The following PRR14L variants were observed in gnomAD, a reference collection of about 807,000 sequenced individuals.
PRR14L encodes the protein proline rich 14 like.
In PRR14L, 80 loss-of-function variants were observed where a neutral mutation model predicts 155.0. The ratio of observed to expected loss-of-function variants is 0.52; its 90% CI spans 0.43 to 0.62. The LOEUF is 0.62. Among genes scored for constraint, PRR14L ranks in the 20% least tolerant of loss-of-function variants. The probability of loss-of-function intolerance (pLI) is 0.00; values close to 1 mark genes in which losing one functional copy is unlikely to be tolerated. For missense variants in PRR14L, 2,469 were observed against 2,548.0 expected, an observed-to-expected ratio of 0.97 and a Z score of 0.67; for synonymous variants, 883 against 916.0, an observed-to-expected ratio of 0.96 and a Z score of 0.65.
At chr22:31,733,298 G>GT (rs1162819822) in intron 2 of PRR14L, among the ~76,000 whole-genome samples, 3,607 of 63,726 alleles carry the variant, frequency 0.057, 261 homozygotes, top group Non-Finnish European at 0.076. Context: ...CCTGGCCACT[G>GT]TTTTTTTTTT....
rs1437314682 is a variant in PRR14L at position 31,716,226 on chromosome 22, G to C, written c.1613C>G (p.Thr538Ser). 1.3e-6 allele frequency: 2 copies of C among 1,551,308 alleles called. No individual in the cohort carries two copies. The highest frequency in any genetic ancestry group is 2.7e-5 in the African/African-American group (2 of 73,030). Residue 538 changes from threonine to serine, a missense_variant, in exon 4 of 9, where the codon ACT becomes AGT. Around this residue, in one of 2 missense-constraint regions of PRR14L, gnomAD observed 2,363 missense variants for 2,371.6 expected, o/e 1.00. Transcript: ENST00000327423. Reference sequence around the variant, plus strand: ...GCTGACTAAGGAGTTACAGTCTTTAGTGTAAAAAGATTTACTTAATATATT... The same window carrying C: ...GCTGACTAAGGAGTTACAGTCTTTACTGTAAAAAGATTTACTTAATATATT... ...EPNILSKSFY[T>S]KDCNSLVSIQ...
intron 3 of PRR14L, among the ~76,000 whole-genome samples, chr22:31,720,569 C>A (rs1413189408): frequency 6.6e-6 from 1 of 152,044 alleles, no homozygotes; most frequent in Non-Finnish European, 1.5e-5. Flanking sequence ...CTTATCTCTA[C>A]TAAAAATACA....
intron 2 of PRR14L, 84 bp downstream of exon 2, chr22:31,738,303 G>C: frequency 8.9e-7 from 1 of 1,129,234 alleles, no homozygotes; most frequent in South Asian, 1.6e-5. Context: ...AATAAATCAT[G>C]AGCCAACCGT....
intron 2 of PRR14L, among the ~76,000 whole-genome samples, chr22:31,735,566 G>A (rs2074775450): frequency 6.6e-6 from 1 of 150,412 alleles, no homozygotes; most frequent in South Asian, 2.1e-4. Context: ...TATACTTTAT[G>A]TGTATTACGC....
intron 2 of PRR14L, among the ~76,000 whole-genome samples, chr22:31,726,794 AAAG>A (rs1316449609): frequency 6.6e-6 from 1 of 152,052 alleles, no homozygotes; most frequent in African/African-American, 2.4e-5. Flanking sequence ...CAAGTGGCTG[AAAG>A]AATACATGGA....
At chr22:31,746,557 A>G (rs549011932) in intron 1 of PRR14L, among the ~76,000 whole-genome samples, 7 of 152,224 alleles carry the variant, frequency 4.6e-5, no homozygotes, top group Non-Finnish European at 1.0e-4. Flanking sequence ...TATAAGCAAA[A>G]AATAAACCAT....
At chr22:31,745,865 T>A (rs1455182338) in intron 1 of PRR14L, among the ~76,000 whole-genome samples, 1 of 145,964 alleles carries the variant, frequency 6.9e-6, no homozygotes, top group Non-Finnish European at 1.5e-5. Context: ...AAAAAAAATA[T>A]ATATATATAT....
intron 4 of PRR14L, among the ~76,000 whole-genome samples, chr22:31,708,306 A>C (rs1381519926): frequency 6.6e-6 from 1 of 151,928 alleles, no homozygotes; most frequent in Non-Finnish European, 1.5e-5. Context: ...GAACTACACA[A>C]TACAAACCAG....
intron 1 of PRR14L, among the ~76,000 whole-genome samples, chr22:31,745,994 G>C (rs1485930852): frequency 6.6e-6 from 1 of 151,464 alleles, no homozygotes; most frequent in Non-Finnish European, 1.5e-5. Context: ...GCAGTGGCTT[G>C]ATCACAGCTC....
chr22:31,743,241 G>A (rs963943863), intron 1 of PRR14L, among the ~76,000 whole-genome samples: 2 of 152,084 alleles, frequency 1.3e-5, no homozygotes, highest in Non-Finnish European at 2.9e-5. Context: ...GGCAGAGGGT[G>A]CAGTGAGCCG....
intron 2 of PRR14L, among the ~76,000 whole-genome samples, chr22:31,735,167 C>T (rs1372932525): frequency 2.0e-5 from 3 of 152,080 alleles, no homozygotes; most frequent in South Asian, 2.1e-4. Context: ...TGGCGGGGCG[C>T]GGTGGCTTGC....
intron 7 of PRR14L, among the ~76,000 whole-genome samples, chr22:31,690,369 C>T (rs2074504964): frequency 1.3e-5 from 2 of 149,910 alleles, no homozygotes; most frequent in Non-Finnish European, 3.0e-5. Flanking sequence ...TTTTTTCGTA[C>T]AGGTGGGGTT....
rs373090316 is a variant in PRR14L, at chr22:31,713,268, C to G, written c.4571G>C (p.Arg1524Pro). The change falls in exon 4 of 9, where the codon CGA (arginine) becomes CCA (proline). Residue 1524 changes from arginine to proline, a missense_variant. Physicochemically the swap from Arg to Pro is moderately radical, Grantham distance 103 (BLOSUM62 -2). Coordinates refer to ENST00000327423, the MANE Select transcript of PRR14L (RefSeq NM_173566.3). ...CTGATAGGAAACTTTCTTACAAGTT[C>G]GATGGGGCTGCTTCTTTAAGGGAAG... ...GVLPLKKQPH[R>P]TCKKVSYQEQ... is the part of the protein sequence containing the mutation. The G allele has an allele frequency of 3.3e-5, 51 of 1,552,132 alleles. No individual in the cohort carries two copies. The highest frequency in any genetic ancestry group is 3.7e-5 in the Non-Finnish European group (43 of 1,147,098).
intron 5 of PRR14L, 74 bp from the exon 6 acceptor site, chr22:31,703,795 TC>T: frequency 1.6e-5 from 15 of 910,238 alleles, no homozygotes; most frequent in Non-Finnish European, 2.1e-5. Context: ...TTCTTCTTCT[TC>T]ATTTTTTTTT....
At chr22:31,694,009 G>A (rs1023819941) in intron 7 of PRR14L, among the ~76,000 whole-genome samples, 1 of 152,162 alleles carries the variant, frequency 6.6e-6, no homozygotes, top group African/African-American at 2.4e-5. Flanking sequence ...AGGCACGGTG[G>A]CTCACGCCTG....
chr22:31,720,010 A>G (rs1347311912), intron 3 of PRR14L, among the ~76,000 whole-genome samples: 1 of 152,154 alleles, frequency 6.6e-6, no homozygotes, highest in African/African-American at 2.4e-5. Flanking sequence ...TGCTGGGATT[A>G]TGGGTGTGAC....
intron 4 of PRR14L, among the ~76,000 whole-genome samples, chr22:31,709,454 C>A (rs2074608903): frequency 6.6e-6 from 1 of 151,462 alleles, no homozygotes; most frequent in Admixed American, 6.6e-5. Context: ...GAGGGCTTCA[C>A]CACGTCGGTC....
intron 7 of PRR14L, among the ~76,000 whole-genome samples, chr22:31,698,919 A>G (rs1453410313): frequency 6.9e-6 from 1 of 145,542 alleles, no homozygotes; most frequent in Non-Finnish European, 1.5e-5. Context: ...GAGACTGTGT[A>G]AAAAAAAAAA....
At chr22:31,686,645 G>A (rs1345609472) in intron 8 of PRR14L, among the ~76,000 whole-genome samples, 2 of 152,044 alleles carry the variant, frequency 1.3e-5, no homozygotes, top group African/African-American at 4.8e-5. Context: ...TATTGCTCAG[G>A]CTGGTCTCCA....
Sources: allele counts gnomAD v4.1 joint callset (sites outside exome capture counted in the v4.1 genomes callset), GRCh38; gene constraint gnomAD v4.1.1; regional missense constraint gnomAD v4.1.1; transcripts MANE v1.5; gene names NCBI Gene and HGNC (gene_info 2026-07-23, HGNC 2026-07-21).